CBFA2T2: variants seen among roughly 807,000 people sequenced by gnomAD.
CBFA2T2 encodes the protein CBFA2/RUNX1 partner transcriptional co-repressor 2.
In CBFA2T2, 11 loss-of-function variants were observed where a neutral mutation model predicts 62.2. That is an observed-to-expected ratio of 0.18 (90% CI 0.11 to 0.29). The LOEUF (loss-of-function observed/expected upper bound fraction) is 0.29, where lower values mean the gene tolerates loss of function less well. Ranked by LOEUF, CBFA2T2 falls within the 10% of genes least tolerant of loss-of-function variation. CBFA2T2 has a pLI of 1.00. For missense variants in CBFA2T2, 592 were observed against 774.1 expected, an observed-to-expected ratio of 0.76 and a Z score of 2.79; for synonymous variants, 295 against 287.5, an observed-to-expected ratio of 1.03 and a Z score of -0.27.
intron 1 of CBFA2T2, among the ~76,000 whole-genome samples, chr20:33,504,403 CTTTTTTTTT>C (rs533648842): frequency 8.5e-6 from 1 of 117,550 alleles, no homozygotes; most frequent in Admixed American, 9.5e-5. Flanking sequence ...TCATATTTAA[CTTTTTTTTT>C]TTTTTTTTTT....
intron 1 of CBFA2T2, among the ~76,000 whole-genome samples, chr20:33,532,568 G>C (rs1171356576): frequency 6.6e-6 from 1 of 152,188 alleles, no homozygotes; most frequent in East Asian, 1.9e-4. Context: ...CTGCTAAACT[G>C]TGTGTCTCTT....
intron 1 of CBFA2T2, among the ~76,000 whole-genome samples, chr20:33,557,560 G>T (rs1197106707): frequency 6.6e-6 from 1 of 152,114 alleles, no homozygotes; most frequent in Non-Finnish European, 1.5e-5. Context: ...AGGGTGAAGT[G>T]CAGTGGTGGG....
At chr20:33,590,497 A>C (rs1016534094) in intron 1 of CBFA2T2, among the ~76,000 whole-genome samples, 1 of 152,104 alleles carries the variant, frequency 6.6e-6, no homozygotes, top group Non-Finnish European at 1.5e-5. Flanking sequence ...GATTGGGCAC[A>C]ATAAGATTGT....
intron 3 of CBFA2T2, 37 bp downstream of exon 3, chr20:33,611,372 G>A (rs1310531919): frequency 1.2e-6 from 2 of 1,606,668 alleles, no homozygotes; most frequent in Admixed American, 3.3e-5. Flanking sequence ...AGCTGCCTGA[G>A]TATGTGGCTC....
chr20:33,612,722 G>A (rs1174890862), intron 3 of CBFA2T2, among the ~76,000 whole-genome samples: 1 of 152,222 alleles, frequency 6.6e-6, no homozygotes, highest in East Asian at 1.9e-4. Context: ...TTCTGATATA[G>A]TAATGTCAAT....
At chr20:33,603,521 A>G (rs2015222741) in intron 1 of CBFA2T2, among the ~76,000 whole-genome samples, 1 of 152,226 alleles carries the variant, frequency 6.6e-6, no homozygotes, top group African/African-American at 2.4e-5. Flanking sequence ...ACGTATACAA[A>G]TATATTCAGA....
In CBFA2T2 at chr20:33,644,500, C is replaced by T. The variant is rs149325981; in HGVS notation, c.1642C>T (p.Arg548Trp). The stretch of plus-strand genomic sequence containing the variant: ...TGGCCAGAGCCCCCACGGCCAGGGC[C>T]GGCCGCTGCTTCCTGTAGGCAGGGG... ...LHGQSPHGQG[R>W]PLLPVGRGSS... Residue 548 changes from arginine (R) to tryptophan (W), a missense_variant, in exon 11 of 11, where the codon CGG becomes TGG. Coordinates refer to ENST00000342704, the MANE Select transcript of CBFA2T2 (RefSeq NM_001032999.3). The T allele has an allele frequency of 1.9e-5, 30 of 1,614,000 alleles. No homozygotes were observed. Among genetic ancestry groups the T allele is most frequent in the African/African-American group, 2.7e-5 (2 of 74,958 alleles).
intron 5 of CBFA2T2, among the ~76,000 whole-genome samples, chr20:33,624,142 A>T (rs1044161836): frequency 2.0e-5 from 3 of 151,246 alleles, no homozygotes; most frequent in Non-Finnish European, 4.4e-5. Context: ...ATTTTAGAAA[A>T]CTCCCTATGA....
At position 33,645,318 on chromosome 20, in the gene CBFA2T2, C is replaced by T. The variant is rs150705597; in HGVS notation, c.*672C>T. Reference sequence around the variant, plus strand: ...GATGATTTTGGACAAGATTTTCCAACCTTGCTGGCTACTTTAGTTTGGGAC... The same window carrying T: ...GATGATTTTGGACAAGATTTTCCAATCTTGCTGGCTACTTTAGTTTGGGAC... On this transcript the variant is annotated 3_prime_UTR_variant, in exon 11 of 11. Transcript: ENST00000342704. 3.1e-4 allele frequency: 47 copies of T among 152,356 alleles called. No individual in the cohort carries two copies. The highest frequency in any genetic ancestry group is 1.1e-3 in the African/African-American group (44 of 41,576). The allele number at this position is 152,356 out of a possible 1,614,324, so 9.4% of individuals were successfully genotyped here.
chr20:33,551,036 C>T (rs2012727474), intron 1 of CBFA2T2, among the ~76,000 whole-genome samples: 1 of 152,096 alleles, frequency 6.6e-6, no homozygotes, highest in Admixed American at 6.6e-5. Context: ...AGCCATAAGT[C>T]TTTAAGTATG....
intron 3 of CBFA2T2, among the ~76,000 whole-genome samples, chr20:33,617,873 CGA>C (rs2015769313): frequency 6.6e-6 from 1 of 151,898 alleles, no homozygotes; most frequent in Non-Finnish European, 1.5e-5. Flanking sequence ...TAATGTTTAC[CGA>C]ATAATAAATA....
At chr20:33,499,427 C>T (rs1232332824) in intron 1 of CBFA2T2, among the ~76,000 whole-genome samples, 1 of 152,220 alleles carries the variant, frequency 6.6e-6, no homozygotes, top group Non-Finnish European at 1.5e-5. Context: ...AGGAAGGGAT[C>T]TCATAATGCT....
At chr20:33,617,600 C>T (rs1351106859) in intron 3 of CBFA2T2, among the ~76,000 whole-genome samples, 1 of 152,164 alleles carries the variant, frequency 6.6e-6, no homozygotes, top group East Asian at 1.9e-4. Flanking sequence ...TACATTTAAT[C>T]TATTTGTGTT....
intron 1 of CBFA2T2, among the ~76,000 whole-genome samples, chr20:33,556,603 T>G (rs1329848074): frequency 6.6e-6 from 1 of 152,194 alleles, no homozygotes; most frequent in Admixed American, 6.5e-5. Flanking sequence ...TTTCTAATTT[T>G]TAATTTTTTT....
chr20:33,592,702 A>G (rs1429864554), intron 1 of CBFA2T2, among the ~76,000 whole-genome samples: 1 of 151,994 alleles, frequency 6.6e-6, no homozygotes, highest in Non-Finnish European at 1.5e-5. Flanking sequence ...GAAAAAAAAT[A>G]CAAAATTCAT....
At chr20:33,567,186 A>G (rs1273092397) in intron 1 of CBFA2T2, among the ~76,000 whole-genome samples, 1 of 152,280 alleles carries the variant, frequency 6.6e-6, no homozygotes, top group African/African-American at 2.4e-5. Flanking sequence ...TAAAATGCAT[A>G]TGGATTTAAT....
At chr20:33,596,936 TTC>T (rs2014919360) in intron 1 of CBFA2T2, among the ~76,000 whole-genome samples, 2 of 150,982 alleles carry the variant, frequency 1.3e-5, no homozygotes, top group Admixed American at 6.6e-5. Context: ...TTTTTTTTTT[TTC>T]TTTCTTTTTT....
chr20:33,564,600 A>G (rs1263303285), intron 1 of CBFA2T2, among the ~76,000 whole-genome samples: 1 of 150,812 alleles, frequency 6.6e-6, no homozygotes, highest in African/African-American at 2.4e-5. Flanking sequence ...TTTTTGGGAC[A>G]TGGTCTCAAA....
At chr20:33,529,501 G>A (rs974497018) in intron 1 of CBFA2T2, among the ~76,000 whole-genome samples, 27 of 151,156 alleles carry the variant, frequency 1.8e-4, no homozygotes, top group Admixed American at 4.0e-4. Flanking sequence ...ATGGTGGCTC[G>A]CGCCTGTAAT....
Sources: gnomAD v4.1 joint callset for allele counts (sites outside exome capture counted in the v4.1 genomes callset) on GRCh38, gnomAD v4.1.1 for gene constraint, MANE v1.5 for transcripts, NCBI Gene and HGNC (gene_info 2026-07-23, HGNC 2026-07-21) for gene names.